Variants in RHOBTB2 observed in about 807,000 individuals in gnomAD.
RHOBTB2 encodes the protein rho-related BTB domain-containing protein 2.
Under a neutral mutation model 66.5 loss-of-function variants are expected in RHOBTB2, and 39 were observed. That is an observed-to-expected ratio of 0.59 (90% CI 0.45 to 0.77). The LOEUF is 0.77. Ranked by LOEUF, RHOBTB2 falls within the 30% of genes least tolerant of loss-of-function variation. The pLI is 0.00. For missense variants in RHOBTB2, 755 were observed against 999.1 expected, an observed-to-expected ratio of 0.76 and a Z score of 3.29; for synonymous variants, 390 against 395.0, an observed-to-expected ratio of 0.99 and a Z score of 0.15.
chr8:22,997,532 C>A (rs1322812149), upstream of RHOBTB2, among the ~76,000 whole-genome samples: 1 of 152,222 alleles, frequency 6.6e-6, no homozygotes, highest in Non-Finnish European at 1.5e-5. Flanking sequence ...CAACACTACA[C>A]CTTGGAATTC....
chr8:23,010,778 G>A, intron 7 of RHOBTB2, 90 bp downstream of exon 7: 1 of 1,410,946 alleles, frequency 7.1e-7, no homozygotes, highest in South Asian at 1.3e-5. Flanking sequence ...CTCTCCTGGG[G>A]GACAAGCTGA....
At chr8:23,014,237 T>C (rs141429754) in intron 7 of RHOBTB2, among the ~76,000 whole-genome samples, 1 of 152,354 alleles carries the variant, frequency 6.6e-6, no homozygotes, top group East Asian at 1.9e-4. Context: ...TAACTTAAAA[T>C]ACAAGGTTAG....
chr8:23,009,436 C>T (rs1053074656), intron 6 of RHOBTB2, among the ~76,000 whole-genome samples: 2 of 152,124 alleles, frequency 1.3e-5, no homozygotes, highest in Non-Finnish European at 2.9e-5. Context: ...ACTCCTGGAC[C>T]TCAATTGCCC....
At chr8:22,993,772 A>G (rs927428906) in intron 2 of RHOBTB2, among the ~76,000 whole-genome samples, 1 of 152,188 alleles carries the variant, frequency 6.6e-6, no homozygotes, top group Non-Finnish European at 1.5e-5. Context: ...TGAACCACAC[A>G]GTGCCAATAA....
chr8:23,003,731 A>T (rs2430810), intron 1 of RHOBTB2, among the ~76,000 whole-genome samples: 1 of 151,984 alleles, frequency 6.6e-6, no homozygotes, highest in Non-Finnish European at 1.5e-5. Flanking sequence ...CAGACCCCGA[A>T]TAGAGAAAGG....
chr8:23,005,842 G>A (rs1441923475), intron 3 of RHOBTB2, 118 bp from the exon 4 acceptor site: 52 of 871,184 alleles, frequency 6.0e-5, no homozygotes, highest in Non-Finnish European at 9.3e-5. Context: ...TCAAGAGCAC[G>A]TGAGCAGATA....
rs976713377 is a variant in RHOBTB2 at position 23,018,026 on chromosome 8, G to A, written c.*557G>A. 8.9e-5 allele frequency: 14 copies of A among 157,610 alleles called. No homozygotes were observed. The South Asian group carries it at 1.6e-3, about 18-fold the overall frequency. The allele number at this position is 157,610 out of a possible 1,614,324, so 9.8% of individuals were successfully genotyped here. ...ACTCAAGGCTTCTACATCCTGGGGT[G>A]CAGCTGCAAAAGGCCAGACGTGGAA... On this transcript the variant is annotated 3_prime_UTR_variant, in exon 10 of 10. Coordinates refer to ENST00000251822, the MANE Select transcript of RHOBTB2 (RefSeq NM_015178.3).
intron 7 of RHOBTB2, among the ~76,000 whole-genome samples, chr8:23,013,115 T>G (rs1173630212): frequency 6.6e-6 from 1 of 151,986 alleles, no homozygotes; most frequent in African/African-American, 2.4e-5. Context: ...TTAAATTTTT[T>G]GCAGAGATGA....
At chr8:22,959,257 T>C in the RHOBTB2 span, among the ~76,000 whole-genome samples, 3 of 152,136 alleles carry the variant, frequency 2.0e-5, no homozygotes, top group Admixed American at 6.5e-5. Context: ...GTTTGTTTGT[T>C]TGTTTTTGAG....
At chr8:23,002,875 G>C (rs920393415) in intron 1 of RHOBTB2, among the ~76,000 whole-genome samples, 4 of 152,160 alleles carry the variant, frequency 2.6e-5, no homozygotes, top group Non-Finnish European at 5.9e-5. Flanking sequence ...TGCACTTTTT[G>C]CTTAGGTTGC....
upstream of RHOBTB2, among the ~76,000 whole-genome samples, chr8:22,996,547 G>T (rs948317347): frequency 1.3e-4 from 17 of 133,600 alleles, no homozygotes; most frequent in African/African-American, 5.2e-4. Flanking sequence ...GTGTGTGTGT[G>T]TGTGTGTGTG....
upstream of RHOBTB2, among the ~76,000 whole-genome samples, chr8:22,996,479 A>G (rs1199973729): frequency 1.4e-5 from 2 of 144,738 alleles, no homozygotes; most frequent in Non-Finnish European, 3.0e-5. Flanking sequence ...AGCTGCAGCA[A>G]ATGGGCAGAG....
chr8:22,991,467 T>C (rs1810424257), intron 1 of RHOBTB2, among the ~76,000 whole-genome samples: 1 of 152,114 alleles, frequency 6.6e-6, no homozygotes, highest in African/African-American at 2.4e-5. Context: ...TCTGTGAAGA[T>C]GGGCTGGAGG....
chr8:22,998,825 A>G (rs763185960), upstream of RHOBTB2: 9 of 152,060 alleles, frequency 5.9e-5, no homozygotes, highest in Non-Finnish European at 1.2e-4. Flanking sequence ...TATACCTTAG[A>G]ATCTCTCTAT....
upstream of RHOBTB2, among the ~76,000 whole-genome samples, chr8:22,986,121 C>T (rs1204730032): frequency 6.7e-6 from 1 of 150,040 alleles, no homozygotes; most frequent in African/African-American, 2.5e-5. Flanking sequence ...TGGGAGGGAA[C>T]ACTGCAAGGA....
At chr8:22,985,780 C>G (rs560715506), upstream of RHOBTB2, among the ~76,000 whole-genome samples, 2 of 152,308 alleles carry the variant, frequency 1.3e-5, no homozygotes, top group South Asian at 4.1e-4. Flanking sequence ...CACTCCAATG[C>G]CCCTGACCTG....
intron 1 of RHOBTB2, among the ~76,000 whole-genome samples, chr8:22,990,855 G>A (rs974436052): frequency 6.6e-6 from 1 of 152,068 alleles, no homozygotes; most frequent in Non-Finnish European, 1.5e-5. Context: ...GCTCAGCATC[G>A]GCTTCTTGCC....
chr8:22,992,579 G>A (rs1316846739), intron 2 of RHOBTB2, among the ~76,000 whole-genome samples: 24 of 152,234 alleles, frequency 1.6e-4, no homozygotes, highest in Admixed American at 1.6e-3. Flanking sequence ...GGAAATCACA[G>A]GATCTAGCTT....
At position 22,999,729 on chromosome 8, in the gene RHOBTB2, C is replaced by G; in HGVS notation, c.-387C>G. 4 of 1,098,572 alleles carry G rather than the reference C, an allele frequency of 3.6e-6. No individual in the cohort carries two copies. The highest frequency in any genetic ancestry group is 5.0e-5 in the Admixed American group (1 of 20,144). 68.1% of individuals were successfully genotyped at this position (1,098,572 alleles called of 1,614,324 possible). On this transcript the variant is annotated 5_prime_UTR_variant, in exon 1 of 10. Transcript: ENST00000251822. ...CGCGGCAGCGCCTTCGCCGCGGGCCCGGGCGCGTAGCGGCGGCGGCCTCGC... is the reference window on the plus strand; with the variant it reads ...CGCGGCAGCGCCTTCGCCGCGGGCCGGGGCGCGTAGCGGCGGCGGCCTCGC...
Sources: allele counts gnomAD v4.1 joint callset (sites outside exome capture counted in the v4.1 genomes callset), GRCh38; gene constraint gnomAD v4.1.1; transcripts MANE v1.5; gene names NCBI Gene and HGNC (gene_info 2026-07-23, HGNC 2026-07-21).